The following WNT3A variants were observed in gnomAD, a reference collection of about 807,000 sequenced individuals.
The protein encoded by WNT3A is protein Wnt-3a.
Under a neutral mutation model 37.0 loss-of-function variants are expected in WNT3A, and 17 were observed. The observed-to-expected ratio is 0.46, with a 90% confidence interval of 0.31 to 0.69. The LOEUF (loss-of-function observed/expected upper bound fraction) is 0.69. WNT3A is among the 30% of genes least tolerant of loss of function. The pLI is 0.05. For synonymous variants in WNT3A, 187 were observed against 211.0 expected (o/e 0.89, Z 0.99); for missense variants, 411 against 510.2 (o/e 0.81, Z 1.87).
chr1:228,053,544 A>G (rs1046998928), intron 3 of WNT3A, among the ~76,000 whole-genome samples: 10 of 152,234 alleles, frequency 6.6e-5, no homozygotes, highest in African/African-American at 1.9e-4. Flanking sequence ...GGCAACCCAT[A>G]GAGGACACAT....
rs2031515695 is a variant in WNT3A at position 228,050,320 on chromosome 1, T to C, written c.314-336T>C. Among the ~76,000 whole-genome samples, 3 of 152,238 alleles carry C rather than the reference T, an allele frequency of 2.0e-5. No homozygotes were observed. The highest frequency in any genetic ancestry group is 2.0e-4 in the Admixed American group (3 of 15,290). Reference sequence around the variant, plus strand: ...GGATTACAGGCATGAGCCACTGTACTTAGCCAAAGTTGCTTGTTAAAAAGA... The same window carrying C: ...GGATTACAGGCATGAGCCACTGTACCTAGCCAAAGTTGCTTGTTAAAAAGA... On this transcript the variant is annotated intron_variant, in intron 2 of 3. Transcript: ENST00000284523. This position sits in a 1 kb window ranked among gnomAD's most constrained non-coding sequence, Gnocchi z 5.0.
chr1:228,055,182 ATATATATATATAT>A (rs1558296200), intron 3 of WNT3A, among the ~76,000 whole-genome samples: 14 of 26,106 alleles, frequency 5.4e-4, no homozygotes, highest in African/African-American at 2.0e-3. Context: ...AAAAAAAAAT[ATATATATATATAT>A]ATATATATAT....
rs2031305346 is a variant in WNT3A at position 228,042,410 on chromosome 1, G to T, written c.314-8246G>T. Among the ~76,000 whole-genome samples the T allele has an allele frequency of 6.6e-6, 1 of 152,154 alleles. No homozygotes were observed. Among genetic ancestry groups the T allele is most frequent in the Non-Finnish European group, 1.5e-5 (1 of 68,022 alleles). On this transcript the variant is annotated intron_variant, in intron 2 of 3. Coordinates refer to ENST00000284523, the MANE Select transcript of WNT3A (RefSeq NM_033131.4). The surrounding 1 kb of genome is among the most constrained non-coding windows in gnomAD (Gnocchi z 5.2). ...CTGGATGGATGGATGGATGATGGAT[G>T]GATGGTGGGTGGTGGATAGATGGAT...
intron 2 of WNT3A, among the ~76,000 whole-genome samples, chr1:228,029,951 C>A (rs116399845): frequency 1.2e-4 from 19 of 152,084 alleles, no homozygotes; most frequent in African/African-American, 4.6e-4. Context: ...AATAAGTTAA[C>A]ATATATTAGC....
chr1:228,024,819 G>A (rs552865004), intron 2 of WNT3A, among the ~76,000 whole-genome samples: 1 of 152,194 alleles, frequency 6.6e-6, no homozygotes, highest in Admixed American at 6.5e-5. Context: ...TTTTTATATG[G>A]TATGAGGTAG....
In WNT3A at chr1:228,059,727, T is replaced by A; in HGVS notation, c.*262T>A. ...GATGGGGAGGGGCTCTGCGTTGGCT[T>A]CTCCCTGGGGACGGGGCTCCCCTGG... is the stretch of plus-strand genomic sequence containing the variant. On this transcript the variant is annotated 3_prime_UTR_variant, in exon 4 of 4. Transcript: ENST00000284523. 7.8e-7 allele frequency: 1 copy of A among 1,288,756 alleles called. No homozygotes were observed. The highest frequency in any genetic ancestry group is 9.8e-7 in the Non-Finnish European group (1 of 1,021,260). 79.8% of individuals were successfully genotyped at this position (1,288,756 alleles called of 1,614,324 possible).
At chr1:228,040,570 A>C (rs1489351457) in intron 2 of WNT3A, among the ~76,000 whole-genome samples, 1 of 152,150 alleles carries the variant, frequency 6.6e-6, no homozygotes, top group African/African-American at 2.4e-5. Context: ...ATTTGGGCAA[A>C]TGTTGTTCAA....
chr1:228,011,560 G>A (rs770695972), intron 1 of WNT3A, among the ~76,000 whole-genome samples: 10 of 151,736 alleles, frequency 6.6e-5, no homozygotes, highest in South Asian at 2.1e-4. Context: ...GTCTCTGCCC[G>A]TCTCTGTCTC....
intron 3 of WNT3A, among the ~76,000 whole-genome samples, chr1:228,055,554 G>A (rs1398389942): frequency 1.3e-5 from 2 of 151,992 alleles, no homozygotes; most frequent in Non-Finnish European, 2.9e-5. Flanking sequence ...AATAGATAGA[G>A]ATGGATACTC....
chr1:228,053,453 T>C (rs950118903), intron 3 of WNT3A, among the ~76,000 whole-genome samples: 7 of 152,174 alleles, frequency 4.6e-5, no homozygotes, highest in Non-Finnish European at 5.9e-5. Context: ...GCACTCACAT[T>C]GAAAGAGAAG....
intron 3 of WNT3A, among the ~76,000 whole-genome samples, chr1:228,055,174 AAAAAAATATATATATATATAT>A (rs1160469708): frequency 1.7e-4 from 11 of 64,860 alleles, no homozygotes; most frequent in South Asian, 6.4e-4. Flanking sequence ...AAAAAAAAAA[AAAAAAATATATATATATATAT>A]ATATATATAT....
intron 2 of WNT3A, among the ~76,000 whole-genome samples, chr1:228,045,936 CA>C (rs1319115284): frequency 6.6e-6 from 1 of 152,184 alleles, no homozygotes; most frequent in Non-Finnish European, 1.5e-5. Context: ...AAAGGTGAGC[CA>C]AACAGTCCCT....
At chr1:228,027,249 G>A (rs1165092382) in intron 2 of WNT3A, among the ~76,000 whole-genome samples, 1 of 152,252 alleles carries the variant, frequency 6.6e-6, no homozygotes, top group Non-Finnish European at 1.5e-5. Context: ...GTGTGCAAGT[G>A]TCTTCTTCAT....
Position 228,037,729 on chromosome 1 carries a change from G to C in WNT3A, c.314-12927G>C, listed in dbSNP as rs1311661439. ...TGGTATATCATTAACTCTCCCCAGT[G>C]GGAGGGGAACCCCGGCCGACTCCCC... On this transcript the variant is annotated intron_variant, in intron 2 of 3. Transcript: ENST00000284523. This position sits in a 1 kb window ranked among gnomAD's most constrained non-coding sequence, Gnocchi z 4.1. Among the ~76,000 whole-genome samples, 5 of 152,204 alleles carry C rather than the reference G, an allele frequency of 3.3e-5. No individual in the cohort carries two copies. The highest frequency in any genetic ancestry group is 1.2e-4 in the African/African-American group (5 of 41,462).
At chr1:228,045,759 C>G (rs773918088) in intron 2 of WNT3A, among the ~76,000 whole-genome samples, 33 of 152,268 alleles carry the variant, frequency 2.2e-4, no homozygotes, top group Non-Finnish European at 4.4e-4. Flanking sequence ...GGAAAGGAAA[C>G]AGCGGAGGTT....
rs2030277577 is a variant in WNT3A at position 228,008,684 on chromosome 1, C to T, written c.71+1485C>T. Among the ~76,000 whole-genome samples the T allele has an allele frequency of 6.6e-6, 1 of 152,132 alleles. No homozygotes were observed. Among genetic ancestry groups the T allele is most frequent in the Non-Finnish European group, 1.5e-5 (1 of 68,006 alleles). ...GGGCAGCGCGTCCGTCCGAGAGAGC[C>T]CCGAGGGCTGCCGGCTTACGCACCA... is the stretch of plus-strand genomic sequence containing the variant. On this transcript the variant is annotated intron_variant, in intron 1 of 3. Coordinates refer to ENST00000284523, the MANE Select transcript of WNT3A (RefSeq NM_033131.4). This position sits in a 1 kb window ranked among gnomAD's most constrained non-coding sequence, Gnocchi z 4.9.
At chr1:228,028,292 ATTTTTT>A (rs56294253) in intron 2 of WNT3A, among the ~76,000 whole-genome samples, 11 of 120,220 alleles carry the variant, frequency 9.1e-5, no homozygotes, top group African/African-American at 1.3e-4. Flanking sequence ...GTTACATATA[ATTTTTT>A]TTTTTTTTTT....
rs2030282410 is a variant in WNT3A at position 228,008,816 on chromosome 1, A to G, written c.71+1617A>G. On this transcript the variant is annotated intron_variant, in intron 1 of 3. Coordinates refer to ENST00000284523, the MANE Select transcript of WNT3A (RefSeq NM_033131.4). The surrounding 1 kb of genome is among the most constrained non-coding windows in gnomAD (Gnocchi z 4.9). Reference sequence around the variant, plus strand: ...CAGCCTCCTGGCAACCCCGCGCCCTAGGATCTTTGTCTTGTCGGCCCTGAG... The same window carrying G: ...CAGCCTCCTGGCAACCCCGCGCCCTGGGATCTTTGTCTTGTCGGCCCTGAG... 6.6e-6 allele frequency among the ~76,000 whole-genome samples: 1 copy of G among 152,122 alleles called. No homozygotes were observed. Among genetic ancestry groups the G allele is most frequent in the South Asian group, 2.1e-4 (1 of 4,832 alleles).
intron 2 of WNT3A, among the ~76,000 whole-genome samples, chr1:228,029,631 A>G (rs1400441417): frequency 6.6e-6 from 1 of 152,120 alleles, no homozygotes; most frequent in Non-Finnish European, 1.5e-5. Flanking sequence ...CCCTCATTTT[A>G]TAACGGACAA....
Sources: allele counts gnomAD v4.1 joint callset (sites outside exome capture counted in the v4.1 genomes callset), GRCh38; gene constraint gnomAD v4.1.1; non-coding constraint Gnocchi (gnomAD v3.1); transcripts MANE v1.5; gene names NCBI Gene and HGNC (gene_info 2026-07-23, HGNC 2026-07-21).